GNAL: variants seen among roughly 807,000 people sequenced by gnomAD.
GNAL encodes the protein guanine nucleotide-binding protein G(olf) subunit alpha.
GNAL carries 18 observed loss-of-function variants against 55.1 expected under a neutral mutation model. That is an observed-to-expected ratio of 0.33 (90% CI 0.23 to 0.48). The LOEUF (loss-of-function observed/expected upper bound fraction) is 0.48. GNAL is among the 20% of genes least tolerant of loss of function. The pLI is 0.99. For synonymous variants in GNAL, 253 were observed against 237.0 expected, an observed-to-expected ratio of 1.07 and a Z score of -0.62; for missense variants, 412 against 614.1, an observed-to-expected ratio of 0.67 and a Z score of 3.48.
At chr18:11,742,622 T>C (rs1187625220) in intron 1 of GNAL, among the ~76,000 whole-genome samples, 3 of 152,218 alleles carry the variant, frequency 2.0e-5, no homozygotes, top group Admixed American at 6.5e-5. Context: ...CTGAGTTTCA[T>C]TGTCTGCCAA....
intron 4 of GNAL, among the ~76,000 whole-genome samples, chr18:11,790,414 T>C (rs2143427429): frequency 6.6e-6 from 1 of 152,352 alleles, no homozygotes; most frequent in South Asian, 2.1e-4. Flanking sequence ...TCCTTGGGGA[T>C]GTGTTGTTTA....
At chr18:11,774,771 A>G (rs1467153502) in intron 4 of GNAL, among the ~76,000 whole-genome samples, 1 of 152,208 alleles carries the variant, frequency 6.6e-6, no homozygotes, top group Non-Finnish European at 1.5e-5. Context: ...TCCAGGTTAT[A>G]CACTGTATCA....
At chr18:11,689,963 C>G in intron 1 of GNAL, 24 bp downstream of exon 1, 1 of 1,246,206 alleles carries the variant, frequency 8.0e-7, no homozygotes, top group Non-Finnish European at 1.0e-6. Flanking sequence ...GCGAGGTCGG[C>G]TGACGCCCCG....
At position 11,732,574 on chromosome 18, in the gene GNAL, C is replaced by T. The variant is rs371438230; in HGVS notation, c.377-20279C>T. On this transcript the variant is annotated intron_variant, in intron 1 of 11. Transcript: ENST00000334049. Reference sequence around the variant, plus strand: ...CACGTAACTCTACATTTAGTCTGTCCTCACCCATGGGTATCTGTTCAAAAA... The same window carrying T: ...CACGTAACTCTACATTTAGTCTGTCTTCACCCATGGGTATCTGTTCAAAAA... Among the ~76,000 whole-genome samples, 11 of 151,468 alleles carry T rather than the reference C, an allele frequency of 7.3e-5. No individual in the cohort carries two copies. The South Asian group carries it at 2.3e-3, about 31-fold the overall frequency.
intron 5 of GNAL, among the ~76,000 whole-genome samples, chr18:11,848,481 G>A (rs2035786545): frequency 6.7e-6 from 1 of 149,638 alleles, no homozygotes; most frequent in Non-Finnish European, 1.5e-5. Flanking sequence ...TTTTGAGAAG[G>A]AGTCTCTCTC....
intron 1 of GNAL, among the ~76,000 whole-genome samples, chr18:11,702,918 G>C (rs1055025295): frequency 1.3e-5 from 2 of 151,894 alleles, no homozygotes; most frequent in African/African-American, 4.8e-5. Flanking sequence ...AGGAGTTCCA[G>C]ACCAGCCTGG....
chr18:11,847,568 A>G (rs1372092659), intron 5 of GNAL, among the ~76,000 whole-genome samples: 1 of 152,184 alleles, frequency 6.6e-6, no homozygotes, highest in Non-Finnish European at 1.5e-5. Flanking sequence ...TCCCCATTTC[A>G]TGATAAAAAT....
chr18:11,817,176 A>T lies in GNAL; in HGVS notation c.625-7742A>T, dbSNP rs554763910. 2.6e-5 allele frequency among the ~76,000 whole-genome samples: 4 copies of T among 152,194 alleles called. No individual in the cohort carries two copies. In the South Asian group the frequency reaches 6.2e-4, roughly 24 times the overall value. On this transcript the variant is annotated intron_variant, in intron 4 of 11. Coordinates refer to ENST00000334049, the MANE Select transcript of GNAL (RefSeq NM_182978.4). Reference sequence around the variant, plus strand: ...ATTGAAGTAGGCTAAGTCCTAAGGGAAAAATAGATGTGTGGGGTATATTGC... The same window carrying T: ...ATTGAAGTAGGCTAAGTCCTAAGGGTAAAATAGATGTGTGGGGTATATTGC...
chr18:11,836,725 A>G (rs2035505718), intron 5 of GNAL, among the ~76,000 whole-genome samples: 2 of 97,110 alleles, frequency 2.1e-5, no homozygotes, highest in Non-Finnish European at 4.2e-5. Flanking sequence ...TTTTAAACCT[A>G]AAGATTATGA....
At chr18:11,698,407 C>T (rs1387532287) in intron 1 of GNAL, among the ~76,000 whole-genome samples, 1 of 150,608 alleles carries the variant, frequency 6.6e-6, no homozygotes, top group Non-Finnish European at 1.5e-5. Context: ...AGGAGAATCG[C>T]TTGAACCCAG....
At chr18:11,788,363 T>C (rs1003892168) in intron 4 of GNAL, among the ~76,000 whole-genome samples, 1 of 152,156 alleles carries the variant, frequency 6.6e-6, no homozygotes, top group Admixed American at 6.5e-5. Context: ...TAAGAGGTGG[T>C]CAGAAACTGA....
intron 4 of GNAL, 108 bp from the exon 5 acceptor site, chr18:11,824,810 C>G (rs2143649805): frequency 1.6e-6 from 1 of 616,186 alleles, no homozygotes; most frequent in South Asian, 2.0e-5. Flanking sequence ...CAAAGAAAAT[C>G]TGAATGCTAC....
At position 11,693,356 on chromosome 18, in the gene GNAL, A is replaced by T. The variant is rs147893455; in HGVS notation, c.376+3417A>T. Among the ~76,000 whole-genome samples, 150 of 152,334 alleles carry T rather than the reference A, an allele frequency of 9.8e-4. 1 individual carries two copies. Among genetic ancestry groups the T allele is most frequent in the Admixed American group, 4.2e-3 (64 of 15,296 alleles). ...GAGTTTATATATCAGCATCATATCT[A>T]AAATGACGTAAAATCAAATGACTCA... is the stretch of plus-strand genomic sequence containing the variant. On this transcript the variant is annotated intron_variant, in intron 1 of 11. Coordinates refer to ENST00000334049, the MANE Select transcript of GNAL (RefSeq NM_182978.4).
chr18:11,786,747 G>T (rs138550817), intron 4 of GNAL, among the ~76,000 whole-genome samples: 13 of 151,282 alleles, frequency 8.6e-5, no homozygotes, highest in Non-Finnish European at 1.8e-4. Context: ...CACCGTGCCC[G>T]GCGATCTTCA....
intron 11 of GNAL, among the ~76,000 whole-genome samples, chr18:11,879,301 C>T (rs917241587): frequency 1.3e-5 from 2 of 151,624 alleles, no homozygotes; most frequent in African/African-American, 4.8e-5. Context: ...TTCCCAGGAT[C>T]GAAAAAGGAG....
At chr18:11,855,365 TTAACTA>T (rs2035981948) in intron 5 of GNAL, among the ~76,000 whole-genome samples, 2 of 152,374 alleles carry the variant, frequency 1.3e-5, no homozygotes, top group East Asian at 3.9e-4. Flanking sequence ...AGGGAACTAG[TTAACTA>T]GTTAATCTTC....
At chr18:11,847,136 C>G (rs1344041263) in intron 5 of GNAL, among the ~76,000 whole-genome samples, 1 of 151,930 alleles carries the variant, frequency 6.6e-6, no homozygotes, top group Non-Finnish European at 1.5e-5. Flanking sequence ...TTCCTACATT[C>G]AACAGAAATT....
chr18:11,854,790 GAAAA>G (rs568877560), intron 5 of GNAL, among the ~76,000 whole-genome samples: 26 of 146,972 alleles, frequency 1.8e-4, no homozygotes, highest in African/African-American at 6.2e-4. Context: ...TCAAAAAAAG[GAAAA>G]AAAAAAATTC....
chr18:11,777,308 C>A (rs540500931), intron 4 of GNAL, among the ~76,000 whole-genome samples: 1 of 152,222 alleles, frequency 6.6e-6, no homozygotes, highest in East Asian at 1.9e-4. Context: ...ATGAACCATA[C>A]AAAAAAATCA....
Sources: gnomAD v4.1 joint callset for allele counts (sites outside exome capture counted in the v4.1 genomes callset) on GRCh38, gnomAD v4.1.1 for gene constraint, MANE v1.5 for transcripts, NCBI Gene and HGNC (gene_info 2026-07-23, HGNC 2026-07-21) for gene names.